Variants in INPP4A observed in about 807,000 individuals in gnomAD.
INPP4A encodes inositol polyphosphate-4-phosphatase, type I, 107kD.
INPP4A carries 33 observed loss-of-function variants against 119.8 expected under a neutral mutation model. The ratio of observed to expected loss-of-function variants is 0.28; its 90% CI spans 0.21 to 0.37. The LOEUF is 0.37. Among genes scored for constraint, INPP4A ranks in the 10% least tolerant of loss-of-function variants. The pLI, the probability that INPP4A is intolerant of heterozygous loss-of-function variation, is 1.00. For missense variants in INPP4A, 956 were observed against 1,289.9 expected (o/e 0.74, Z 3.97); for synonymous variants, 496 against 500.7 (o/e 0.99, Z 0.12).
chr2:98,566,366 G>A lies in INPP4A; in HGVS notation c.2420+197G>A, dbSNP rs972212321. Among the ~76,000 whole-genome samples, 1 of 152,166 alleles carries A rather than the reference G, an allele frequency of 6.6e-6. No homozygotes were observed. Among genetic ancestry groups the A allele is most frequent in the Admixed American group, 6.5e-5 (1 of 15,282 alleles). ...ACAGAGTGACCCAGAGGTGGTCTCT[G>A]TCCTCAGGGACTCAGCTGGTGGGAG... is the stretch of plus-strand genomic sequence containing the variant. On this transcript the variant is annotated intron_variant, in intron 21 of 24. Coordinates refer to ENST00000409851, the MANE Select transcript of INPP4A (RefSeq NM_001134225.2). This position sits in a 1 kb window ranked among gnomAD's most constrained non-coding sequence, Gnocchi z 4.2.
chr2:98,464,816 A>G (rs931872106), intron 1 of INPP4A, among the ~76,000 whole-genome samples: 12 of 152,222 alleles, frequency 7.9e-5, no homozygotes, highest in Non-Finnish European at 2.9e-5. Flanking sequence ...GCAGTGTTGT[A>G]TTTATATGTG....
chr2:98,554,260 T>G lies in INPP4A; in HGVS notation c.1348-11T>G, dbSNP rs756027722. The G allele has an allele frequency of 6.3e-7, 1 of 1,588,132 alleles. No homozygotes were observed. The highest frequency in any genetic ancestry group is 1.1e-5 in the South Asian group (1 of 87,286). Reference sequence around the variant, plus strand: ...CTGGGCTCAGCAGCCTTGGTTTGTGTGCACCTGCAGACACGGCAGCTGGTC... The same window carrying G: ...CTGGGCTCAGCAGCCTTGGTTTGTGGGCACCTGCAGACACGGCAGCTGGTC... On this transcript the variant is annotated splice_polypyrimidine_tract_variant and intron_variant, in intron 14 of 24. Transcript: ENST00000409851. The surrounding 1 kb of genome is among the most constrained non-coding windows in gnomAD (Gnocchi z 4.7).
chr2:98,556,632 A>G (rs1417728381), intron 16 of INPP4A, among the ~76,000 whole-genome samples: 1 of 152,236 alleles, frequency 6.6e-6, no homozygotes, highest in Non-Finnish European at 1.5e-5. Flanking sequence ...GTTTTAAGTC[A>G]TAGTAGGTAA....
chr2:98,474,502 C>T (rs772245152), intron 1 of INPP4A, among the ~76,000 whole-genome samples: 1 of 152,218 alleles, frequency 6.6e-6, no homozygotes, highest in Non-Finnish European at 1.5e-5. Context: ...CATGGCCGCT[C>T]ACCCCACAGG....
At chr2:98,491,080 A>G (rs952382979) in intron 1 of INPP4A, among the ~76,000 whole-genome samples, 1 of 152,254 alleles carries the variant, frequency 6.6e-6, no homozygotes, top group Non-Finnish European at 1.5e-5. Flanking sequence ...AGTAGGAACA[A>G]CAAGTTCTGC....
chr2:98,499,494 G>A (rs960153630), intron 1 of INPP4A, among the ~76,000 whole-genome samples: 1 of 152,188 alleles, frequency 6.6e-6, no homozygotes, highest in African/African-American at 2.4e-5. Flanking sequence ...AGGCTTTTCT[G>A]AATGTTGCTC....
At chr2:98,568,311 A>T (rs1241465631) in intron 21 of INPP4A, among the ~76,000 whole-genome samples, 1 of 152,152 alleles carries the variant, frequency 6.6e-6, no homozygotes, top group Admixed American at 6.5e-5. Context: ...GCTGCACAGG[A>T]TCTGTACCAC....
At chr2:98,483,470 G>A (rs1678886350) in intron 1 of INPP4A, among the ~76,000 whole-genome samples, 1 of 152,106 alleles carries the variant, frequency 6.6e-6, no homozygotes, top group South Asian at 2.1e-4. Context: ...GGCTGCTGTG[G>A]GGCCAAGTCC....
chr2:98,578,744 A>G (rs1698833991), intron 24 of INPP4A, among the ~76,000 whole-genome samples: 1 of 152,258 alleles, frequency 6.6e-6, no homozygotes, highest in Non-Finnish European at 1.5e-5. Flanking sequence ...CACATAAGGA[A>G]TTGAAAATCC....
chr2:98,574,198 G>A (rs1698014668), intron 23 of INPP4A, among the ~76,000 whole-genome samples: 1 of 152,076 alleles, frequency 6.6e-6, no homozygotes, highest in Admixed American at 6.5e-5. Context: ...GGCTACGGGG[G>A]TCTCTGCAGC....
intron 24 of INPP4A, among the ~76,000 whole-genome samples, chr2:98,584,799 C>T (rs941718396): frequency 3.9e-5 from 6 of 152,238 alleles, no homozygotes; most frequent in African/African-American, 1.4e-4. Flanking sequence ...AGAAAAGAAA[C>T]TCAGTTGCTC....
chr2:98,545,557 C>T (rs561771536), intron 11 of INPP4A, among the ~76,000 whole-genome samples: 4 of 152,280 alleles, frequency 2.6e-5, no homozygotes, highest in South Asian at 4.1e-4. Flanking sequence ...TTGATGATGG[C>T]GGTCTCTGGA....
At chr2:98,583,140 A>G (rs1218706520) in intron 24 of INPP4A, among the ~76,000 whole-genome samples, 1 of 152,256 alleles carries the variant, frequency 6.6e-6, no homozygotes, top group Non-Finnish European at 1.5e-5. Flanking sequence ...AGGATCATTC[A>G]GCTGGTTCAA....
chr2:98,537,738 T>G, intron 7 of INPP4A, 125 bp from the exon 8 acceptor site: 1 of 681,194 alleles, frequency 1.5e-6, no homozygotes, highest in Non-Finnish European at 2.7e-6. Flanking sequence ...GCTGACTGAC[T>G]GGTCAGTCAG....
chr2:98,552,829 G>A lies in INPP4A; in HGVS notation c.1207G>A (p.Val403Ile), dbSNP rs1693776817. Residue 403 changes from valine (V) to isoleucine (I), a missense_variant, in exon 14 of 25, where the codon GTT (valine) becomes ATT (isoleucine). Val to Ile is a conservative substitution (Grantham distance 29). This residue lies in a region of INPP4A where 652 missense variants were observed against 797.9 expected (regional missense o/e 0.82). Transcript: ENST00000409851. The stretch of plus-strand genomic sequence containing the variant: ...GTCCATAATCTACATACCCCAGGAT[G>A]TTGTCAGAGCCAAGGAGATCATCGC... ...CQSIIYIPQD[V>I]VRAKEIIAQI... The A allele has an allele frequency of 6.2e-7, 1 of 1,613,900 alleles. No individual in the cohort carries two copies. Among genetic ancestry groups the A allele is most frequent in the Non-Finnish European group, 8.5e-7 (1 of 1,179,806 alleles).
chr2:98,467,966 A>C (rs900860826), intron 1 of INPP4A, among the ~76,000 whole-genome samples: 2 of 152,230 alleles, frequency 1.3e-5, no homozygotes, highest in East Asian at 1.9e-4. Flanking sequence ...CAGATAACTT[A>C]TAAATGGGCT....
At chr2:98,549,401 A>C (rs940573565) in intron 13 of INPP4A, among the ~76,000 whole-genome samples, 1 of 152,194 alleles carries the variant, frequency 6.6e-6, no homozygotes, top group African/African-American at 2.4e-5. Flanking sequence ...CTACATCTTC[A>C]TGATGCTTAT....
At chr2:98,583,621 A>G (rs1264974751) in intron 24 of INPP4A, among the ~76,000 whole-genome samples, 1 of 152,190 alleles carries the variant, frequency 6.6e-6, no homozygotes, top group African/African-American at 2.4e-5. Flanking sequence ...GGTTCCCCAT[A>G]CACTGTAGTT....
intron 4 of INPP4A, among the ~76,000 whole-genome samples, chr2:98,530,040 A>G (rs1688921101): frequency 6.6e-6 from 1 of 152,202 alleles, no homozygotes; most frequent in Non-Finnish European, 1.5e-5. Context: ...CAGAAGCAAC[A>G]GAAGAATTCT....
Sources: gnomAD v4.1 joint callset for allele counts (sites outside exome capture counted in the v4.1 genomes callset) on GRCh38, gnomAD v4.1.1 for gene constraint, gnomAD v4.1.1 regional missense constraint, Gnocchi (gnomAD v3.1) non-coding constraint, MANE v1.5 for transcripts, NCBI Gene and HGNC (gene_info 2026-07-23, HGNC 2026-07-21) for gene names.